The following ZNF569 variants were observed in gnomAD, a reference collection of about 807,000 sequenced individuals.
The protein encoded by ZNF569 is zinc finger protein 569.
In ZNF569, 38 loss-of-function variants were observed where a neutral mutation model predicts 56.3. That is an observed-to-expected ratio of 0.68 (90% CI 0.52 to 0.88). The LOEUF (loss-of-function observed/expected upper bound fraction) is 0.88, where lower values mean the gene tolerates loss of function less well. Among genes scored for constraint, ZNF569 ranks in the 40% least tolerant of loss-of-function variants. The pLI, the probability that ZNF569 is intolerant of heterozygous loss-of-function variation, is 0.00. For synonymous variants in ZNF569, 241 were observed against 262.9 expected (o/e 0.92, Z 0.81); for missense variants, 666 against 809.2 (o/e 0.82, Z 2.15).
chr19:37,440,006 G>T (rs1049607508), intron 3 of ZNF569, among the ~76,000 whole-genome samples: 11 of 152,134 alleles, frequency 7.2e-5, no homozygotes, highest in African/African-American at 2.7e-4. Context: ...GACAACTATA[G>T]TCAACAATAA....
intron 2 of ZNF569, among the ~76,000 whole-genome samples, chr19:37,450,514 T>G (rs746334904): frequency 6.6e-6 from 1 of 152,214 alleles, no homozygotes; most frequent in Non-Finnish European, 1.5e-5. Context: ...CTTTCAATTC[T>G]GATGTTATTT....
At chr19:37,454,039 T>A (rs914531925) in intron 2 of ZNF569, among the ~76,000 whole-genome samples, 1 of 152,186 alleles carries the variant, frequency 6.6e-6, no homozygotes, top group Non-Finnish European at 1.5e-5. Context: ...GTATGTCTTT[T>A]CTTCTGCTAG....
chr19:37,446,240 C>A (rs978162709), intron 2 of ZNF569, among the ~76,000 whole-genome samples: 2 of 152,076 alleles, frequency 1.3e-5, no homozygotes, highest in Non-Finnish European at 2.9e-5. Flanking sequence ...GGATAATTGG[C>A]AAGCCATATG....
intron 2 of ZNF569, among the ~76,000 whole-genome samples, chr19:37,458,622 C>A (rs1055428991): frequency 6.6e-6 from 1 of 152,124 alleles, no homozygotes; most frequent in Non-Finnish European, 1.5e-5. Context: ...GCCAGTGCAC[C>A]CACTGATTTA....
At chr19:37,452,275 A>G (rs1024734375) in intron 2 of ZNF569, among the ~76,000 whole-genome samples, 3 of 152,190 alleles carry the variant, frequency 2.0e-5, no homozygotes, top group Middle Eastern at 3.2e-3. Context: ...AACATATTTC[A>G]TATCTATTTT....
intron 2 of ZNF569, among the ~76,000 whole-genome samples, chr19:37,453,506 C>T (rs1027209311): frequency 6.6e-6 from 1 of 152,084 alleles, no homozygotes; most frequent in Non-Finnish European, 1.5e-5. Context: ...AGTTTTTCTG[C>T]ACTTTAAAAA....
chr19:37,422,925 C>T (rs1435704421), intron 5 of ZNF569, among the ~76,000 whole-genome samples: 1 of 152,088 alleles, frequency 6.6e-6, no homozygotes, highest in East Asian at 1.9e-4. Flanking sequence ...ACCTATCCCA[C>T]ACAAAAAATA....
intron 2 of ZNF569, among the ~76,000 whole-genome samples, chr19:37,453,372 G>C (rs1418156139): frequency 6.6e-6 from 1 of 152,162 alleles, no homozygotes; most frequent in Non-Finnish European, 1.5e-5. Context: ...AATTGTTGCT[G>C]AATTAGTATT....
At chr19:37,426,069 T>A in intron 4 of ZNF569, 106 bp from the exon 5 acceptor site, 1 of 1,373,438 alleles carries the variant, frequency 7.3e-7, no homozygotes, top group Non-Finnish European at 1.0e-6. Context: ...CAAGAAAATG[T>A]GGCTTCGGGG....
intron 2 of ZNF569, among the ~76,000 whole-genome samples, chr19:37,461,333 C>CA (rs1555842928): frequency 1.5e-5 from 2 of 135,352 alleles, no homozygotes; most frequent in Non-Finnish European, 3.1e-5. Flanking sequence ...TTTTTTTTGA[C>CA]AGAGTCTCAC....
At chr19:37,440,401 T>C (rs530639971) in intron 3 of ZNF569, among the ~76,000 whole-genome samples, 5 of 152,194 alleles carry the variant, frequency 3.3e-5, no homozygotes, top group Admixed American at 6.5e-5. Flanking sequence ...AGAATGGTGT[T>C]TGCCAGGGGC....
chr19:37,416,474 T>G (rs1197004689), intron 5 of ZNF569, among the ~76,000 whole-genome samples: 1 of 152,132 alleles, frequency 6.6e-6, no homozygotes, highest in Non-Finnish European at 1.5e-5. Context: ...GGACCTCCCG[T>G]GGATACCAAA....
rs1394565043 is a variant in ZNF569 at position 37,413,172 on chromosome 19, A to T, written c.1486T>A (p.Cys496Ser). ...KIHSGEKPYE[C>S]NECGKAFSQK... ...CTGAAGGCTTTACCACATTCATTGC[A>T]TTCATAGGGTTTCTCTCCAGAATGA... Residue 496 changes from cysteine to serine, a missense_variant, in exon 6 of 6, where the codon TGC (cysteine) becomes AGC (serine). Transcript: ENST00000316950. The T allele has an allele frequency of 1.2e-6, 2 of 1,606,388 alleles. No individual in the cohort carries two copies. The highest frequency in any genetic ancestry group is 1.3e-5 in the African/African-American group (1 of 74,488).
chr19:37,413,683 A>C lies in ZNF569; in HGVS notation c.975T>G (p.Pro325=), dbSNP rs765973483. 1 of 1,613,758 alleles carries C rather than the reference A, an allele frequency of 6.2e-7. No individual in the cohort carries two copies. The highest frequency in any genetic ancestry group is 8.5e-7 in the Non-Finnish European group (1 of 1,179,882). Residue 325 remains proline (P), a synonymous_variant, in exon 6 of 6, where the codon CCT becomes CCG. Coordinates refer to ENST00000316950, the MANE Select transcript of ZNF569 (RefSeq NM_152484.3). ...CTTTACCACATTCATTACATGCATA[A>C]GGTTTCTCCCCAGTATGAACTTTCT... The part of the protein sequence containing the change: ...AHQKVHTGEK[P]YACNECGKAF...
upstream of ZNF569, chr19:37,467,806 G>A (rs2041873484): frequency 7.1e-7 from 1 of 1,407,652 alleles, no homozygotes; most frequent in Admixed American, 2.0e-5. Context: ...GAGGTCGTGC[G>A]AATATGCGAC....
At chr19:37,444,881 A>G (rs772079535) in intron 3 of ZNF569, 26 bp downstream of exon 3, 1 of 1,591,104 alleles carries the variant, frequency 6.3e-7, no homozygotes, top group Admixed American at 1.7e-5. Flanking sequence ...GTAAGGCAAG[A>G]AACAAATACA....
chr19:37,433,219 T>C (rs542631140), intron 3 of ZNF569, among the ~76,000 whole-genome samples: 1 of 152,048 alleles, frequency 6.6e-6, no homozygotes, highest in Non-Finnish European at 1.5e-5. Context: ...CCCCAGTCTG[T>C]TCAGTCACTG....
intron 5 of ZNF569, among the ~76,000 whole-genome samples, chr19:37,421,719 A>G (rs1269337617): frequency 9.4e-6 from 1 of 106,356 alleles, no homozygotes; most frequent in African/African-American, 3.6e-5. Context: ...TCATCTTATC[A>G]TTTGTGTGTA....
At chr19:37,415,214 A>G (rs2040907879) in intron 5 of ZNF569, among the ~76,000 whole-genome samples, 1 of 152,142 alleles carries the variant, frequency 6.6e-6, no homozygotes, top group Admixed American at 6.5e-5. Context: ...ATCATATTTG[A>G]GTTGAGTACA....
Sources: gnomAD v4.1 joint callset for allele counts (sites outside exome capture counted in the v4.1 genomes callset) on GRCh38, gnomAD v4.1.1 for gene constraint, MANE v1.5 for transcripts, NCBI Gene and HGNC (gene_info 2026-07-23, HGNC 2026-07-21) for gene names.